Variants in PDCD1LG2 observed in about 807,000 individuals in gnomAD.
PDCD1LG2 encodes the protein B7 dendritic cell molecule.
Under a neutral mutation model 28.2 loss-of-function variants are expected in PDCD1LG2, and 32 were observed. The ratio of observed to expected loss-of-function variants is 1.13; its 90% CI spans 0.86 to 1.52. The LOEUF is 1.52. PDCD1LG2 is among the 40% of genes most tolerant of loss of function. The pLI is 0.00. For synonymous variants in PDCD1LG2, 116 were observed against 120.2 expected, an observed-to-expected ratio of 0.97 and a Z score of 0.23; for missense variants, 385 against 323.8, an observed-to-expected ratio of 1.19 and a Z score of -1.45.
intron 4 of PDCD1LG2, among the ~76,000 whole-genome samples, chr9:5,552,573 C>G (rs759128800): frequency 4.6e-5 from 7 of 152,104 alleles, no homozygotes; most frequent in Non-Finnish European, 8.8e-5. Context: ...ACAGAACTAC[C>G]ACCATCAAGT....
chr9:5,526,315 A>G (rs1209549852), intron 2 of PDCD1LG2, among the ~76,000 whole-genome samples: 1 of 152,234 alleles, frequency 6.6e-6, no homozygotes, highest in Non-Finnish European at 1.5e-5. Context: ...ACCACCACCC[A>G]GGTTAAGAAG....
chr9:5,525,003 T>C (rs1367100809), intron 2 of PDCD1LG2, among the ~76,000 whole-genome samples: 1 of 152,184 alleles, frequency 6.6e-6, no homozygotes, highest in African/African-American at 2.4e-5. Context: ...TAAATCAATG[T>C]GATGCTTAGT....
intron 5 of PDCD1LG2, among the ~76,000 whole-genome samples, chr9:5,560,032 C>G (rs1490392538): frequency 3.3e-5 from 5 of 152,148 alleles, no homozygotes; most frequent in Non-Finnish European, 7.3e-5. Context: ...TAAGCTTATA[C>G]TTCATCAAGT....
chr9:5,514,900 G>C (rs536046499), intron 1 of PDCD1LG2, among the ~76,000 whole-genome samples: 1 of 152,130 alleles, frequency 6.6e-6, no homozygotes, highest in African/African-American at 2.4e-5. Context: ...GAAGCTCAGG[G>C]GAGGATTTAT....
At chr9:5,527,799 C>T (rs1478109877) in intron 2 of PDCD1LG2, among the ~76,000 whole-genome samples, 1 of 151,890 alleles carries the variant, frequency 6.6e-6, no homozygotes, top group African/African-American at 2.4e-5. Context: ...CTAATTGTTC[C>T]TCATCCTTCC....
chr9:5,536,298 A>G (rs1820578751), intron 3 of PDCD1LG2, among the ~76,000 whole-genome samples: 1 of 152,240 alleles, frequency 6.6e-6, no homozygotes, highest in Non-Finnish European at 1.5e-5. Context: ...AGAACTGAGC[A>G]TGGTACCCGG....
intron 3 of PDCD1LG2, among the ~76,000 whole-genome samples, chr9:5,544,862 G>C (rs1331457378): frequency 1.3e-5 from 2 of 152,148 alleles, no homozygotes; most frequent in Non-Finnish European, 2.9e-5. Flanking sequence ...TATGACCTTA[G>C]GTTACATTAA....
At chr9:5,520,577 T>C (rs1052185227) in intron 1 of PDCD1LG2, among the ~76,000 whole-genome samples, 3 of 152,174 alleles carry the variant, frequency 2.0e-5, no homozygotes, top group African/African-American at 7.2e-5. Context: ...CTTTGTGACC[T>C]TGACTAGGCA....
intron 3 of PDCD1LG2, among the ~76,000 whole-genome samples, chr9:5,548,509 T>C (rs1297002082): frequency 1.3e-5 from 2 of 152,244 alleles, no homozygotes; most frequent in South Asian, 2.1e-4. Context: ...CCTTTGGATA[T>C]ATACCCAGAA....
At chr9:5,524,596 T>G (rs949489974) in intron 2 of PDCD1LG2, among the ~76,000 whole-genome samples, 1 of 152,160 alleles carries the variant, frequency 6.6e-6, no homozygotes, top group African/African-American at 2.4e-5. Flanking sequence ...TCATGTCTCT[T>G]TAATTAAAGA....
intron 3 of PDCD1LG2, among the ~76,000 whole-genome samples, chr9:5,535,483 C>T (rs1820563001): frequency 6.6e-6 from 1 of 152,144 alleles, no homozygotes; most frequent in South Asian, 2.1e-4. Context: ...TAGTGAGTAG[C>T]AACCAGATGC....
intron 5 of PDCD1LG2, among the ~76,000 whole-genome samples, chr9:5,558,039 G>C (rs1483792747): frequency 3.9e-5 from 6 of 152,222 alleles, no homozygotes; most frequent in Non-Finnish European, 7.3e-5. Flanking sequence ...CCTCATGAGA[G>C]TGATGTTATT....
At chr9:5,555,620 C>A (rs1018950378) in intron 4 of PDCD1LG2, among the ~76,000 whole-genome samples, 1 of 152,176 alleles carries the variant, frequency 6.6e-6, no homozygotes, top group African/African-American at 2.4e-5. Context: ...AGCTATGTTC[C>A]ATAGAGTCAT....
intron 3 of PDCD1LG2, among the ~76,000 whole-genome samples, chr9:5,542,722 T>C (rs1351831926): frequency 6.6e-6 from 1 of 152,220 alleles, no homozygotes; most frequent in East Asian, 1.9e-4. Flanking sequence ...ACTCTTACAC[T>C]GTTGGTGGGA....
chr9:5,511,314 ACAAAAG>A (rs1286862531), intron 1 of PDCD1LG2, among the ~76,000 whole-genome samples: 2 of 152,238 alleles, frequency 1.3e-5, no homozygotes, highest in African/African-American at 2.4e-5. Flanking sequence ...TCATTATTGA[ACAAAAG>A]CATGATTTGG....
chr9:5,543,151 G>C (rs1390243620), intron 3 of PDCD1LG2, among the ~76,000 whole-genome samples: 1 of 152,146 alleles, frequency 6.6e-6, no homozygotes, highest in South Asian at 2.1e-4. Context: ...TCACTCATAA[G>C]TGCGAGCTAA....
At chr9:5,556,437 G>C (rs545983302) in intron 4 of PDCD1LG2, among the ~76,000 whole-genome samples, 1 of 152,316 alleles carries the variant, frequency 6.6e-6, no homozygotes, top group African/African-American at 2.4e-5. Flanking sequence ...TGTGGGGGCT[G>C]AGCTTTGGGT....
intron 1 of PDCD1LG2, among the ~76,000 whole-genome samples, chr9:5,516,261 C>A (rs1186491598): frequency 1.3e-5 from 2 of 152,160 alleles, no homozygotes; most frequent in Non-Finnish European, 2.9e-5. Context: ...CCATGTTGGC[C>A]AGGCTGGTCT....
rs549917488 is a variant in PDCD1LG2, at chr9:5,549,355, A to G, written c.382A>G (p.Thr128Ala). The change falls in exon 4 of 7, where the codon ACT (threonine) becomes GCT (alanine). Residue 128 changes from threonine to alanine, a missense_variant. Physicochemically the swap from Thr to Ala is moderately conservative, Grantham distance 58. Coordinates refer to ENST00000397747, the MANE Select transcript of PDCD1LG2 (RefSeq NM_025239.4). ...TCCAGCTTCCTACAGGAAAATAAAC[A>G]CTCACATCCTAAAGGTTCCAGAAAC... ...KVKASYRKIN[T>A]HILKVPETDE... The G allele has an allele frequency of 5.6e-6, 9 of 1,612,154 alleles. No homozygotes were observed. The East Asian group carries it at 1.6e-4, about 28-fold the overall frequency.
Sources: gnomAD v4.1 joint callset for allele counts (sites outside exome capture counted in the v4.1 genomes callset) on GRCh38, gnomAD v4.1.1 for gene constraint, MANE v1.5 for transcripts, NCBI Gene and HGNC (gene_info 2026-07-23, HGNC 2026-07-21) for gene names.